The following ZNF385D variants were observed in gnomAD, a reference collection of about 807,000 sequenced individuals.
ZNF385D encodes zinc finger protein 659.
In ZNF385D, 15 loss-of-function variants were observed where a neutral mutation model predicts 35.8. The ratio of observed to expected loss-of-function variants is 0.42; its 90% CI spans 0.28 to 0.64. The LOEUF is 0.64. Among genes scored for constraint, ZNF385D ranks in the 30% least tolerant of loss-of-function variants. The pLI is 0.23. For synonymous variants in ZNF385D, 212 were observed against 186.8 expected, an observed-to-expected ratio of 1.13 and a Z score of -1.10; for missense variants, 474 against 494.6, an observed-to-expected ratio of 0.96 and a Z score of 0.39.
At chr3:22,016,285 A>T (rs375127506) in intron 3 of ZNF385D, among the ~76,000 whole-genome samples, 8 of 152,038 alleles carry the variant, frequency 5.3e-5, no homozygotes, top group Non-Finnish European at 8.8e-5. Context: ...CAAACTTTCT[A>T]TAACACATAG....
At chr3:21,700,780 T>A (rs969694160) in intron 1 of ZNF385D, among the ~76,000 whole-genome samples, 1 of 152,234 alleles carries the variant, frequency 6.6e-6, no homozygotes, top group African/African-American at 2.4e-5. Flanking sequence ...TGATATGTAT[T>A]AATGTTAATG....
intron 3 of ZNF385D, among the ~76,000 whole-genome samples, chr3:21,987,026 T>C (rs2125385191): frequency 1.0e-5 from 1 of 98,726 alleles, no homozygotes; most frequent in East Asian, 2.6e-4. Context: ...GCTTGGTAGA[T>C]CTTCCTCCAT....
At chr3:22,235,523 G>A (rs972046644) in intron 2 of ZNF385D, among the ~76,000 whole-genome samples, 3 of 151,974 alleles carry the variant, frequency 2.0e-5, no homozygotes, top group East Asian at 1.9e-4. Flanking sequence ...ATGACAACTA[G>A]AGACAAAATA....
chr3:21,793,309 TC>T (rs1251624412), intron 3 of ZNF385D, among the ~76,000 whole-genome samples: 2 of 152,168 alleles, frequency 1.3e-5, no homozygotes, highest in East Asian at 3.8e-4. Flanking sequence ...GTGATAAGAA[TC>T]AAATGAGGTA....
chr3:22,371,928 AAAGAAG>A (rs369549840), intron 2 of ZNF385D, among the ~76,000 whole-genome samples: 8 of 152,156 alleles, frequency 5.3e-5, no homozygotes, highest in African/African-American at 1.2e-4. Context: ...TTTGTTTTAA[AAAGAAG>A]AAGAAGAAGA....
intron 1 of ZNF385D, among the ~76,000 whole-genome samples, chr3:21,730,737 G>A (rs1231531525): frequency 6.6e-6 from 1 of 152,222 alleles, no homozygotes; most frequent in Non-Finnish European, 1.5e-5. Context: ...TAGTAGTGTA[G>A]CTATCAAAAA....
intron 2 of ZNF385D, among the ~76,000 whole-genome samples, chr3:22,256,249 A>G (rs1053234022): frequency 5.3e-5 from 8 of 150,506 alleles, no homozygotes; most frequent in Non-Finnish European, 1.2e-4. Flanking sequence ...ATATATATAT[A>G]TATATATATT....
At chr3:22,287,129 CCTT>C (rs1001921034) in intron 2 of ZNF385D, among the ~76,000 whole-genome samples, 4 of 151,832 alleles carry the variant, frequency 2.6e-5, no homozygotes, top group African/African-American at 9.7e-5. Context: ...TATATAATGG[CCTT>C]CTTTTTCTTT....
At chr3:21,747,621 A>C (rs1450215171) in intron 1 of ZNF385D, among the ~76,000 whole-genome samples, 3 of 152,216 alleles carry the variant, frequency 2.0e-5, no homozygotes, top group African/African-American at 7.2e-5. Flanking sequence ...GACAATTCAA[A>C]CATACGGTGC....
At chr3:22,339,079 G>C (rs1695306242) in intron 2 of ZNF385D, among the ~76,000 whole-genome samples, 1 of 152,102 alleles carries the variant, frequency 6.6e-6, no homozygotes, top group Non-Finnish European at 1.5e-5. Flanking sequence ...TTATAAATGT[G>C]TGTGCATACA....
At chr3:22,336,909 C>CAAAACAAAAAAAAAAAAA (rs1695186597) in intron 2 of ZNF385D, among the ~76,000 whole-genome samples, 1 of 47,952 alleles carries the variant, frequency 2.1e-5, no homozygotes, top group African/African-American at 8.0e-5. Context: ...AGTGATTTTT[C>CAAAACAAAAAAAAAAAAA]AAAAAAAAAA....
intron 2 of ZNF385D, among the ~76,000 whole-genome samples, chr3:22,338,033 A>G (rs140555107): frequency 6.6e-6 from 1 of 152,330 alleles, no homozygotes; most frequent in East Asian, 1.9e-4. Context: ...CTCATCCATA[A>G]GTCATTTGTC....
At chr3:22,174,468 G>C (rs926278282) in intron 2 of ZNF385D, among the ~76,000 whole-genome samples, 1 of 152,122 alleles carries the variant, frequency 6.6e-6, no homozygotes, top group Admixed American at 6.6e-5. Flanking sequence ...GACTTACAAA[G>C]TCATACGACT....
At chr3:21,766,249 T>C (rs1255940565) in intron 3 of ZNF385D, among the ~76,000 whole-genome samples, 2 of 152,118 alleles carry the variant, frequency 1.3e-5, no homozygotes, top group South Asian at 2.1e-4. Context: ...AAGATTTACA[T>C]AGAAAGATGA....
intron 3 of ZNF385D, among the ~76,000 whole-genome samples, chr3:22,049,779 T>C (rs1464793102): frequency 6.6e-6 from 1 of 152,200 alleles, no homozygotes; most frequent in Admixed American, 6.5e-5. Flanking sequence ...TTCCTCATTC[T>C]GTTAATGTGG....
intron 3 of ZNF385D, among the ~76,000 whole-genome samples, chr3:21,961,961 GTT>G (rs1204148734): frequency 6.6e-6 from 1 of 152,102 alleles, no homozygotes; most frequent in African/African-American, 2.4e-5. Flanking sequence ...AGTGACATGG[GTT>G]TTCAGGACAG....
intron 2 of ZNF385D, among the ~76,000 whole-genome samples, chr3:22,307,352 A>G (rs1052257125): frequency 6.6e-6 from 1 of 152,168 alleles, no homozygotes; most frequent in Admixed American, 6.6e-5. Flanking sequence ...AGTGTAAGTA[A>G]TAAGAGTTTT....
intron 3 of ZNF385D, among the ~76,000 whole-genome samples, chr3:21,930,919 T>C (rs1012759314): frequency 3.9e-5 from 6 of 152,114 alleles, no homozygotes; most frequent in Non-Finnish European, 5.9e-5. Flanking sequence ...ATTTCTTATA[T>C]ATAACATTAA....
At chr3:22,288,004 A>G (rs1230145830) in intron 2 of ZNF385D, among the ~76,000 whole-genome samples, 1 of 152,012 alleles carries the variant, frequency 6.6e-6, no homozygotes, top group African/African-American at 2.4e-5. Context: ...TTCATCTTTG[A>G]AAGACAGAAT....
Sources: allele counts gnomAD v4.1 joint callset (sites outside exome capture counted in the v4.1 genomes callset), GRCh38; gene constraint gnomAD v4.1.1; transcripts MANE v1.5; gene names NCBI Gene and HGNC (gene_info 2026-07-23, HGNC 2026-07-21).